Variants in DPY19L1 observed in about 807,000 individuals in gnomAD.
The protein encoded by DPY19L1 is protein C-mannosyl-transferase DPY19L1.
Under a neutral mutation model 96.9 loss-of-function variants are expected in DPY19L1, and 35 were observed. That is an observed-to-expected ratio of 0.36 (90% confidence interval 0.28 to 0.48). The LOEUF (loss-of-function observed/expected upper bound fraction) is 0.48. Among genes scored for constraint, DPY19L1 ranks in the 20% least tolerant of loss-of-function variants. The probability of loss-of-function intolerance (pLI) is 0.99; values close to 1 mark genes in which losing one functional copy is unlikely to be tolerated. For synonymous variants in DPY19L1, 205 were observed against 252.6 expected (o/e 0.81, Z 1.79); for missense variants, 521 against 777.9 (o/e 0.67, Z 3.93).
intron 7 of DPY19L1, among the ~76,000 whole-genome samples, chr7:34,975,721 T>C (rs988366871): frequency 2.4e-4 from 36 of 152,326 alleles, no homozygotes; most frequent in African/African-American, 8.2e-4. Context: ...TTAGACCTAA[T>C]GCAACCAGTG....
At chr7:35,002,805 G>A (rs542973796) in intron 6 of DPY19L1, among the ~76,000 whole-genome samples, 26 of 152,312 alleles carry the variant, frequency 1.7e-4, no homozygotes, top group African/African-American at 5.8e-4. Flanking sequence ...GTCTTGCTCT[G>A]TCGCCCAGGC....
At chr7:34,952,823 A>G (rs1053163918) in intron 13 of DPY19L1, among the ~76,000 whole-genome samples, 1 of 151,738 alleles carries the variant, frequency 6.6e-6, no homozygotes, top group Non-Finnish European at 1.5e-5. Context: ...ACAAAATTAT[A>G]AAAAAAACAC....
chr7:35,037,868 C>T, upstream of DPY19L1: 1 of 1,236,650 alleles, frequency 8.1e-7, no homozygotes, highest in Non-Finnish European at 1.0e-6. Flanking sequence ...CGGGGGCGGA[C>T]GGCCTTCCGG....
intron 6 of DPY19L1, among the ~76,000 whole-genome samples, chr7:34,998,876 C>T (rs1369731605): frequency 6.6e-6 from 1 of 152,094 alleles, no homozygotes; most frequent in African/African-American, 2.4e-5. Context: ...AAAGACAATG[C>T]AACAGGCAGA....
At chr7:34,983,086 C>T (rs574818910) in intron 7 of DPY19L1, among the ~76,000 whole-genome samples, 1 of 152,348 alleles carries the variant, frequency 6.6e-6, no homozygotes, top group East Asian at 1.9e-4. Flanking sequence ...AACTATACTA[C>T]TGCCCTGCTT....
At chr7:34,945,057 A>C (rs1784113665) in intron 16 of DPY19L1, among the ~76,000 whole-genome samples, 1 of 152,186 alleles carries the variant, frequency 6.6e-6, no homozygotes, top group Non-Finnish European at 1.5e-5. Context: ...CACTGTATAT[A>C]AACTGTTGAA....
At chr7:34,978,647 G>C (rs1381521973) in intron 7 of DPY19L1, among the ~76,000 whole-genome samples, 1 of 152,154 alleles carries the variant, frequency 6.6e-6, no homozygotes, top group East Asian at 1.9e-4. Context: ...AGTAAGCCTG[G>C]TTGCTTTCTT....
chr7:34,966,111 C>T (rs1784602783), intron 10 of DPY19L1, among the ~76,000 whole-genome samples: 1 of 151,902 alleles, frequency 6.6e-6, no homozygotes, highest in Non-Finnish European at 1.5e-5. Context: ...CCTCTTGCCT[C>T]AGCCTCCCCA....
Position 34,941,989 on chromosome 7 carries a change from A to G in DPY19L1, c.1570-105T>C, listed in dbSNP as rs1034538082. On this transcript the variant is annotated intron_variant, in intron 17 of 21. Coordinates refer to ENST00000638088, the MANE Select transcript of DPY19L1 (RefSeq NM_001366673.1). ...GGTACGTTCTCCTTAGTAACAAAAA[A>G]TACTACTAAGGTTTCTGAAACTTCG... The G allele has an allele frequency of 2.5e-6, 3 of 1,187,418 alleles. No homozygotes were observed. In the African/African-American group the frequency reaches 4.7e-5, roughly 19 times the overall value. 73.6% of individuals were successfully genotyped at this position (1,187,418 alleles called of 1,614,324 possible).
At chr7:34,973,703 A>C (rs1204155520) in intron 7 of DPY19L1, 98 bp from the exon 8 acceptor site, 1 of 595,738 alleles carries the variant, frequency 1.7e-6, no homozygotes, top group Non-Finnish European at 2.5e-6. Flanking sequence ...TTTAACAAAT[A>C]ATTTAAACGG....
Position 34,931,638 on chromosome 7 carries a change from T to A in DPY19L1, c.2182A>T (p.Lys728Ter), listed in dbSNP as rs1262474717. Reference protein sequence around the residue: ...PLCNLLVKDSKPHFTTVFQNS... With the variant: ...PLCNLLVKDS Reference sequence around the variant, plus strand: ...TGGAATACAGTGGTGAAGTGAGGTTTGGAATCCTTCACCAAGAGGTTACAT... The same window carrying A: ...TGGAATACAGTGGTGAAGTGAGGTTAGGAATCCTTCACCAAGAGGTTACAT... Residue 728 changes from lysine to a stop codon, truncating the protein, a stop_gained, in exon 22 of 22, where the codon AAA becomes TAA. Coordinates refer to ENST00000638088, the MANE Select transcript of DPY19L1 (RefSeq NM_001366673.1). LOFTEE classifies it high-confidence loss of function. 5.1e-5 allele frequency: 82 copies of A among 1,597,814 alleles called. No homozygotes were observed. Among genetic ancestry groups the A allele is most frequent in the Non-Finnish European group, 6.7e-5 (79 of 1,172,918 alleles).
intron 4 of DPY19L1, among the ~76,000 whole-genome samples, 190 bp from the exon 5 acceptor site, chr7:35,011,640 T>C (rs1250885756): frequency 1.3e-5 from 2 of 152,186 alleles, no homozygotes; most frequent in South Asian, 2.1e-4. Context: ...TTTTCAATTG[T>C]TCATCCATGG....
In DPY19L1 at chr7:34,930,448, T is replaced by C. The variant is rs1195566331; in HGVS notation, c.*1125A>G. ...ATGATGGTTTTTAGAACCAAAATTA[T>C]AACATAAGGCTTAAGGCTTTGTCTT... On this transcript the variant is annotated 3_prime_UTR_variant, in exon 22 of 22. Coordinates refer to ENST00000638088, the MANE Select transcript of DPY19L1 (RefSeq NM_001366673.1). 1 of 150,518 alleles carries C rather than the reference T, an allele frequency of 6.6e-6. No individual in the cohort carries two copies. Among genetic ancestry groups the C allele is most frequent in the Non-Finnish European group, 1.5e-5 (1 of 68,014 alleles). 9.3% of individuals were successfully genotyped at this position (150,518 alleles called of 1,614,324 possible).
intron 6 of DPY19L1, chr7:35,000,258 A>G (rs1263945280): frequency 6.6e-6 from 1 of 152,228 alleles, no homozygotes; most frequent in Non-Finnish European, 1.5e-5. Flanking sequence ...CAAAAGAAAT[A>G]ATACAGTATA....
intron 11 of DPY19L1, among the ~76,000 whole-genome samples, chr7:34,956,470 G>T (rs886194673): frequency 6.6e-6 from 1 of 151,754 alleles, no homozygotes; most frequent in African/African-American, 2.4e-5. Flanking sequence ...AAAGGGTGGC[G>T]GCCCACACTG....
At chr7:35,028,417 C>T (rs561728201) in intron 1 of DPY19L1, among the ~76,000 whole-genome samples, 1 of 152,284 alleles carries the variant, frequency 6.6e-6, no homozygotes, top group East Asian at 1.9e-4. Flanking sequence ...GAGAAATACA[C>T]TAAGTAAATG....
chr7:34,999,582 C>A (rs913362769), intron 6 of DPY19L1, among the ~76,000 whole-genome samples: 1 of 152,118 alleles, frequency 6.6e-6, no homozygotes, highest in African/African-American at 2.4e-5. Flanking sequence ...CCAAGGGAAT[C>A]GCTAAACGGA....
intron 10 of DPY19L1, among the ~76,000 whole-genome samples, chr7:34,961,927 C>T (rs1305608443): frequency 1.3e-5 from 2 of 152,146 alleles, no homozygotes; most frequent in African/African-American, 4.8e-5. Flanking sequence ...ACTGGATGCC[C>T]AAAATCCACA....
chr7:35,001,439 C>T (rs2128675498), intron 6 of DPY19L1, among the ~76,000 whole-genome samples: 1 of 152,242 alleles, frequency 6.6e-6, no homozygotes, highest in African/African-American at 2.4e-5. Context: ...CAAACACTAC[C>T]TTATTCCATT....
Sources: gnomAD v4.1 joint callset for allele counts (sites outside exome capture counted in the v4.1 genomes callset) on GRCh38, gnomAD v4.1.1 for gene constraint, MANE v1.5 for transcripts, NCBI Gene and HGNC (gene_info 2026-07-23, HGNC 2026-07-21) for gene names.